The following RNF125 variants were observed in gnomAD, a reference collection of about 807,000 sequenced individuals.
RNF125 encodes ring finger protein 125, also known as E3 ubiquitin-protein ligase RNF125.
In RNF125, 21 loss-of-function variants were observed where a neutral mutation model predicts 26.0. That is an observed-to-expected ratio of 0.81 (90% confidence interval 0.57 to 1.16). The LOEUF is 1.16. RNF125 is among the 50% of genes most tolerant of loss of function. RNF125 has a pLI of 0.00. For missense variants in RNF125, 270 were observed against 299.4 expected (o/e 0.90, Z 0.72); for synonymous variants, 95 against 109.2 (o/e 0.87, Z 0.81).
intron 1 of RNF125, among the ~76,000 whole-genome samples, chr18:32,035,058 A>G (rs182659306): frequency 8.1e-4 from 123 of 152,290 alleles, no homozygotes; most frequent in African/African-American, 2.8e-3. Flanking sequence ...TTCAACTTCC[A>G]GAGACATGGT....
At chr18:32,019,490 C>G (rs1404298278) in intron 1 of RNF125, among the ~76,000 whole-genome samples, 1 of 152,204 alleles carries the variant, frequency 6.6e-6, no homozygotes, top group Non-Finnish European at 1.5e-5. Flanking sequence ...CCCAGAAACC[C>G]GGGTCCGTTT....
chr18:32,056,437 C>A (rs1463767885), intron 4 of RNF125, among the ~76,000 whole-genome samples: 1 of 151,706 alleles, frequency 6.6e-6, no homozygotes, highest in Non-Finnish European at 1.5e-5. Flanking sequence ...TATAGAGAAA[C>A]CACCCCCCAT....
chr18:32,055,965 G>GCAAAAC, intron 4 of RNF125, among the ~76,000 whole-genome samples: 1 of 82,350 alleles, frequency 1.2e-5, no homozygotes, highest in Admixed American at 1.9e-4. Flanking sequence ...GGTAACAAGA[G>GCAAAAC]TGAAACTCCA....
At chr18:32,025,500 T>TA (rs1392295613) in intron 1 of RNF125, among the ~76,000 whole-genome samples, 2 of 151,734 alleles carry the variant, frequency 1.3e-5, no homozygotes, top group Non-Finnish European at 2.9e-5. Flanking sequence ...CCCGTTTCTC[T>TA]AAAAATACAA....
At chr18:32,042,734 G>T (rs2039232765) in intron 3 of RNF125, among the ~76,000 whole-genome samples, 1 of 150,292 alleles carries the variant, frequency 6.7e-6, no homozygotes, top group African/African-American at 2.5e-5. Flanking sequence ...AACAGGCTGG[G>T]CAGGCATCCT....
Position 32,068,232 on chromosome 18 carries a change from C to T in RNF125, c.613-66C>T, listed in dbSNP as rs1005469268. On this transcript the variant is annotated intron_variant, in intron 5 of 5. Coordinates refer to ENST00000217740, the MANE Select transcript of RNF125 (RefSeq NM_017831.4). ...TACAAAATGAGGGTGTTGCATTGAC[C>T]CTCATCCTCTAGTTTCTGAAATACT... The T allele has an allele frequency of 5.8e-6, 5 of 865,938 alleles. No homozygotes were observed. In the African/African-American group the frequency reaches 8.5e-5, roughly 15 times the overall value. 53.6% of individuals were successfully genotyped at this position (865,938 alleles called of 1,614,324 possible).
At chr18:32,051,969 T>A (rs1467856923) in intron 4 of RNF125, among the ~76,000 whole-genome samples, 1 of 151,168 alleles carries the variant, frequency 6.6e-6, no homozygotes, top group Non-Finnish European at 1.5e-5. Flanking sequence ...ATTACAGGCG[T>A]GAGCCACCAC....
At chr18:32,045,475 C>T (rs571678246) in intron 3 of RNF125, among the ~76,000 whole-genome samples, 167 bp from the exon 4 acceptor site, 8 of 150,584 alleles carry the variant, frequency 5.3e-5, no homozygotes, top group Non-Finnish European at 1.2e-4. Flanking sequence ...AGGAGGATCC[C>T]TTGAACCCGG....
intron 4 of RNF125, among the ~76,000 whole-genome samples, chr18:32,055,556 A>C (rs2039372350): frequency 6.6e-6 from 1 of 152,160 alleles, no homozygotes; most frequent in Non-Finnish European, 1.5e-5. Flanking sequence ...AGGAACTACC[A>C]CACACGTATA....
chr18:32,051,615 T>TAAA (rs71177836), intron 4 of RNF125, among the ~76,000 whole-genome samples: 4 of 78,976 alleles, frequency 5.1e-5, no homozygotes, highest in South Asian at 5.5e-4. Context: ...GACTCAGTCT[T>TAAA]AAAAAAAAAA....
In RNF125 at chr18:32,072,871, A is replaced by C. The variant is rs1420958113; in HGVS notation, c.*4487A>C. ...GAATCTACACTAAAGATATGGTTCC[A>C]GGCAGACCTCCTTAGAGACCTCCAG... On this transcript the variant is annotated 3_prime_UTR_variant, in exon 6 of 6. Coordinates refer to ENST00000217740, the MANE Select transcript of RNF125 (RefSeq NM_017831.4). 1 of 152,100 alleles carries C rather than the reference A, an allele frequency of 6.6e-6. No individual in the cohort carries two copies. Among genetic ancestry groups the C allele is most frequent in the Non-Finnish European group, 1.5e-5 (1 of 67,962 alleles). The allele number at this position is 152,100 out of a possible 1,614,324, so 9.4% of individuals were successfully genotyped here. A position where few individuals can be genotyped will look rare whatever the true frequency, so the allele number is the denominator to read the frequency against.
the RNF125 span, among the ~76,000 whole-genome samples, chr18:32,082,456 T>C: frequency 9.9e-5 from 15 of 152,178 alleles, no homozygotes; most frequent in African/African-American, 3.6e-4. Flanking sequence ...CCTGGGAGCG[T>C]AGATTCAGGA....
At chr18:32,088,334 C>CGGGA in the RNF125 span, among the ~76,000 whole-genome samples, 1 of 152,176 alleles carries the variant, frequency 6.6e-6, no homozygotes, top group Non-Finnish European at 1.5e-5. Context: ...TCCAGCTTCC[C>CGGGA]AGTTCACTTC....
At chr18:32,027,331 A>T (rs930270015) in intron 1 of RNF125, among the ~76,000 whole-genome samples, 1 of 152,044 alleles carries the variant, frequency 6.6e-6, no homozygotes, top group Non-Finnish European at 1.5e-5. Context: ...TCTACTTTTC[A>T]AAAATCTTGC....
intron 1 of RNF125, among the ~76,000 whole-genome samples, chr18:32,021,665 T>G (rs2038988267): frequency 6.6e-6 from 1 of 152,200 alleles, no homozygotes. Context: ...GTTTTGAAGA[T>G]TCTTTTTGGA....
At chr18:32,054,520 A>C (rs75088451) in intron 4 of RNF125, among the ~76,000 whole-genome samples, 5,257 of 152,316 alleles carry the variant, frequency 0.035, 320 homozygotes, top group African/African-American at 0.12. Flanking sequence ...ATAGTGATGC[A>C]TGAGAGTGGT....
chr18:32,031,435 C>G (rs558202684), intron 1 of RNF125: 2 of 129,822 alleles, frequency 1.5e-5, no homozygotes, highest in Admixed American at 9.3e-5. Context: ...CCATAGGGCT[C>G]GGCACCAGTA....
At position 32,070,176 on chromosome 18, in the gene RNF125, G is replaced by C. The variant is rs1260822821; in HGVS notation, c.*1792G>C. 1 of 152,324 alleles carries C rather than the reference G, an allele frequency of 6.6e-6. No homozygotes were observed. The highest frequency in any genetic ancestry group is 1.5e-5 in the Non-Finnish European group (1 of 68,206). 9.4% of individuals were successfully genotyped at this position (152,324 alleles called of 1,614,324 possible). On this transcript the variant is annotated 3_prime_UTR_variant, in exon 6 of 6. Transcript: ENST00000217740. Reference sequence around the variant, plus strand: ...CTGTTTCAGCCTCCCAAGTAGCTGGGACTACAGGTGCACGCCACCATGCCC... The same window carrying C: ...CTGTTTCAGCCTCCCAAGTAGCTGGCACTACAGGTGCACGCCACCATGCCC...
At chr18:32,021,636 C>G (rs1234083498) in intron 1 of RNF125, among the ~76,000 whole-genome samples, 2 of 152,096 alleles carry the variant, frequency 1.3e-5, no homozygotes, top group Non-Finnish European at 2.9e-5. Context: ...TAAAGTTGTG[C>G]AAAACATAAA....
Sources: gnomAD v4.1 joint callset for allele counts (sites outside exome capture counted in the v4.1 genomes callset) on GRCh38, gnomAD v4.1.1 for gene constraint, MANE v1.5 for transcripts, NCBI Gene and HGNC (gene_info 2026-07-23, HGNC 2026-07-21) for gene names.